Variants in RHPN2 observed in about 807,000 individuals in gnomAD.
RHPN2 encodes rhophilin-2.
RHPN2 carries 40 observed loss-of-function variants against 79.0 expected under a neutral mutation model. The observed-to-expected ratio is 0.51, with a 90% CI of 0.39 to 0.66. The LOEUF (loss-of-function observed/expected upper bound fraction) is 0.66. Ranked by LOEUF, RHPN2 falls within the 30% of genes least tolerant of loss-of-function variation. RHPN2 has a pLI of 0.00. For synonymous variants in RHPN2, 285 were observed against 363.5 expected (o/e 0.78, Z 2.46); for missense variants, 686 against 883.5 (o/e 0.78, Z 2.83).
At chr19:33,041,457 A>G (rs1297532803) in intron 2 of RHPN2, among the ~76,000 whole-genome samples, 4 of 152,156 alleles carry the variant, frequency 2.6e-5, no homozygotes, top group Non-Finnish European at 5.9e-5. Flanking sequence ...CTCTGACAAC[A>G]TTCTCCAGCA....
intron 2 of RHPN2, among the ~76,000 whole-genome samples, chr19:33,027,506 A>C (rs969474372): frequency 6.6e-6 from 1 of 151,800 alleles, no homozygotes; most frequent in Admixed American, 6.6e-5. Flanking sequence ...AAAAGCTAAA[A>C]TAAGATAAAA....
chr19:33,042,710 T>C (rs1388704697), intron 2 of RHPN2, among the ~76,000 whole-genome samples: 1 of 152,004 alleles, frequency 6.6e-6, no homozygotes, highest in African/African-American at 2.4e-5. Context: ...GGCAGGAGGA[T>C]CACTTGAGGA....
intron 2 of RHPN2, among the ~76,000 whole-genome samples, chr19:33,031,621 G>A (rs1249234031): frequency 6.6e-6 from 1 of 151,986 alleles, no homozygotes; most frequent in Non-Finnish European, 1.5e-5. Context: ...TCCTGGGCTT[G>A]AGTGATCCTC....
chr19:32,993,952 T>C (rs1971680698), intron 12 of RHPN2, 25 bp downstream of exon 12: 1 of 1,564,374 alleles, frequency 6.4e-7, no homozygotes, highest in Non-Finnish European at 8.8e-7. Flanking sequence ...TTAGGTCATT[T>C]GAATGTAGAG....
intron 1 of RHPN2, among the ~76,000 whole-genome samples, chr19:33,049,004 G>A: frequency 6.6e-6 from 1 of 151,982 alleles, no homozygotes; most frequent in Non-Finnish European, 1.5e-5. Flanking sequence ...ACTTCTGCTG[G>A]CCTGGAATCA....
intron 14 of RHPN2, among the ~76,000 whole-genome samples, chr19:32,985,466 T>G (rs969079650): frequency 2.6e-5 from 4 of 151,984 alleles, no homozygotes; most frequent in African/African-American, 9.7e-5. Context: ...TGAAGCCCCG[T>G]CTCTACAAAA....
chr19:33,014,456 C>G (rs534436609), intron 4 of RHPN2, among the ~76,000 whole-genome samples: 1 of 152,204 alleles, frequency 6.6e-6, no homozygotes, highest in South Asian at 2.1e-4. Flanking sequence ...TAGGTGTGCA[C>G]CACCACACTC....
At chr19:33,052,338 T>A (rs936056318) in intron 1 of RHPN2, among the ~76,000 whole-genome samples, 10 of 152,082 alleles carry the variant, frequency 6.6e-5, no homozygotes. Flanking sequence ...TCCAGCAAAT[T>A]TAGGGCAATG....
chr19:33,023,222 G>A (rs1971938532), intron 3 of RHPN2, among the ~76,000 whole-genome samples: 3 of 152,012 alleles, frequency 2.0e-5, no homozygotes, highest in Admixed American at 2.0e-4. Flanking sequence ...ATCACCTGAG[G>A]TCAGGAGTTC....
In RHPN2 at chr19:33,015,424, C is replaced by CAA. The variant is rs35155929; in HGVS notation, c.391-2702_391-2701dup. On this transcript the variant is annotated intron_variant, in intron 4 of 14. Coordinates refer to ENST00000254260, the MANE Select transcript of RHPN2 (RefSeq NM_033103.5). ...TGGATGACAGAGCGAGACTTCGCCT[C>CAA]AAAAAAAAAAAAATCCTAACTGAAA... 2.4e-3 allele frequency among the ~76,000 whole-genome samples: 234 copies of CAA among 98,184 alleles called. 1 individual carries two copies. The highest frequency in any genetic ancestry group is 6.0e-3 in the East Asian group (27 of 4,500). The allele number at this position is 98,184 out of a possible 152,430, so 64.4% of individuals were successfully genotyped here.
chr19:33,008,247 A>ATTT, intron 6 of RHPN2, 67 bp from the exon 7 acceptor site: 4 of 1,461,506 alleles, frequency 2.7e-6, no homozygotes, highest in Non-Finnish European at 9.4e-7. Context: ...AGTGGAAAAA[A>ATTT]TTCTTTTTTT....
At chr19:33,056,407 C>T (rs1038726852) in intron 1 of RHPN2, among the ~76,000 whole-genome samples, 4 of 152,080 alleles carry the variant, frequency 2.6e-5, no homozygotes, top group Non-Finnish European at 4.4e-5. Flanking sequence ...CCACCACCCC[C>T]GGCCTTCCAG....
chr19:33,023,217 C>T (rs183977442), intron 3 of RHPN2, among the ~76,000 whole-genome samples: 104 of 152,024 alleles, frequency 6.8e-4, no homozygotes, highest in Non-Finnish European at 1.9e-4. Flanking sequence ...GGTAGATCAC[C>T]TGAGGTCAGG....
intron 14 of RHPN2, among the ~76,000 whole-genome samples, chr19:32,982,762 A>C (rs549917990): frequency 7.6e-4 from 115 of 152,104 alleles, no homozygotes; most frequent in Non-Finnish European, 1.2e-3. Context: ...CCTGTATCTG[A>C]AAGGTTGTGC....
At chr19:33,016,467 G>A (rs545261095) in intron 4 of RHPN2, among the ~76,000 whole-genome samples, 9 of 152,286 alleles carry the variant, frequency 5.9e-5, no homozygotes, top group African/African-American at 2.2e-4. Flanking sequence ...GATCACTTGA[G>A]GTCAGGAGTT....
rs1342967070 is a variant in RHPN2, at chr19:33,021,580, G to C, written c.381C>G (p.Val127=). The C allele has an allele frequency of 6.2e-7, 1 of 1,613,384 alleles. No homozygotes were observed. Among genetic ancestry groups the C allele is most frequent in the African/African-American group, 1.3e-5 (1 of 74,916 alleles). Reference sequence around the variant, plus strand: ...TGGCTTTGAGATTTACCTTGAGGACGACTGCAAAGTCGACGTCTTTCGTTT... The same window carrying C: ...TGGCTTTGAGATTTACCTTGAGGACCACTGCAAAGTCGACGTCTTTCGTTT... ...LKETKDVDFA[V]VLKDFILEHY... is the part of the protein sequence containing the mutation. Residue 127 remains valine, a synonymous_variant, in exon 4 of 15, where the codon GTC becomes GTG. Coordinates refer to ENST00000254260, the MANE Select transcript of RHPN2 (RefSeq NM_033103.5).
intron 2 of RHPN2, among the ~76,000 whole-genome samples, chr19:33,041,463 C>T (rs1479936668): frequency 6.6e-6 from 1 of 152,190 alleles, no homozygotes; most frequent in Non-Finnish European, 1.5e-5. Context: ...CAACATTCTC[C>T]AGCAAGGGGT....
At position 33,002,114 on chromosome 19, in the gene RHPN2, G is replaced by A. The variant is rs1486606744; in HGVS notation, c.1105+133C>T. 6 of 1,129,818 alleles carry A rather than the reference G, an allele frequency of 5.3e-6. No homozygotes were observed. The African/African-American group carries it at 6.2e-5, about 12-fold the overall frequency. The allele number at this position is 1,129,818 out of a possible 1,614,324, so 70.0% of individuals were successfully genotyped here. ...CTGTGCGGCAGCTGCCTCAGTCATG[G>A]GTCACTCCCATCCTCTGCCTTCAGC... On this transcript the variant is annotated intron_variant, in intron 9 of 14. Transcript: ENST00000254260.
intron 3 of RHPN2, among the ~76,000 whole-genome samples, chr19:33,024,094 T>C (rs1372669896): frequency 2.0e-5 from 3 of 152,142 alleles, no homozygotes; most frequent in South Asian, 4.1e-4. Context: ...CACCAGAGCA[T>C]AGGCTGGGAG....
Sources: gnomAD v4.1 joint callset for allele counts (sites outside exome capture counted in the v4.1 genomes callset) on GRCh38, gnomAD v4.1.1 for gene constraint, MANE v1.5 for transcripts, NCBI Gene and HGNC (gene_info 2026-07-23, HGNC 2026-07-21) for gene names.